Variants in NAALADL2 observed in about 807,000 individuals in gnomAD.
The protein encoded by NAALADL2 is N-acetylated alpha-linked acidic dipeptidase like 2.
Under a neutral mutation model 87.2 loss-of-function variants are expected in NAALADL2, and 76 were observed. That is an observed-to-expected ratio of 0.87 (90% CI 0.72 to 1.05). The LOEUF (loss-of-function observed/expected upper bound fraction) is 1.05, where lower values mean the gene tolerates loss of function less well. Among genes scored for constraint, NAALADL2 ranks in the 50% least tolerant of loss-of-function variants. The pLI, the probability that NAALADL2 is intolerant of heterozygous loss-of-function variation, is 0.00. For synonymous variants in NAALADL2, 354 were observed against 331.0 expected (o/e 1.07, Z -0.75); for missense variants, 1,089 against 945.8 (o/e 1.15, Z -1.99).
At chr3:175,461,174 T>C (rs972671574) in intron 6 of NAALADL2, among the ~76,000 whole-genome samples, 1 of 152,100 alleles carries the variant, frequency 6.6e-6, no homozygotes, top group Non-Finnish European at 1.5e-5. Context: ...GGTGCGTTTT[T>C]CCAGAGTGCT....
At chr3:175,054,700 T>C (rs948877766) in intron 1 of NAALADL2, among the ~76,000 whole-genome samples, 2 of 152,184 alleles carry the variant, frequency 1.3e-5, no homozygotes, top group Non-Finnish European at 2.9e-5. Context: ...AAAAATGATA[T>C]CTTAAACCTT....
chr3:175,023,356 T>C (rs1193348101), intron 1 of NAALADL2, among the ~76,000 whole-genome samples: 1 of 152,086 alleles, frequency 6.6e-6, no homozygotes, highest in Non-Finnish European at 1.5e-5. Flanking sequence ...TCTTATCACA[T>C]AAATAGCATT....
intron 2 of NAALADL2, among the ~76,000 whole-genome samples, chr3:174,664,432 G>A (rs1233406816): frequency 2.0e-5 from 3 of 152,068 alleles, no homozygotes; most frequent in South Asian, 4.1e-4. Context: ...ATCTTTTTAT[G>A]GGGTTTTTAG....
intron 2 of NAALADL2, among the ~76,000 whole-genome samples, chr3:174,727,300 A>G (rs978942546): frequency 1.1e-4 from 17 of 151,622 alleles, no homozygotes; most frequent in South Asian, 4.2e-4. Context: ...AATCATTTTT[A>G]TTAAGGATAT....
intron 10 of NAALADL2, among the ~76,000 whole-genome samples, chr3:175,612,683 A>G (rs1254207192): frequency 6.6e-6 from 1 of 151,032 alleles, no homozygotes; most frequent in Non-Finnish European, 1.5e-5. Context: ...TCTGACCTCA[A>G]AAAAAAATGC....
intron 1 of NAALADL2, among the ~76,000 whole-genome samples, chr3:174,946,043 CAAAAAAAAAAAAAA>C (rs57964168): frequency 4.0e-5 from 2 of 50,266 alleles, no homozygotes; most frequent in Non-Finnish European, 7.7e-5. Flanking sequence ...GACTCTGCCT[CAAAAAAAAAAAAAA>C]AAAAAAAAAA....
At chr3:175,274,152 G>A (rs890912200) in intron 4 of NAALADL2, among the ~76,000 whole-genome samples, 4 of 152,138 alleles carry the variant, frequency 2.6e-5, no homozygotes, top group Non-Finnish European at 5.9e-5. Context: ...AAGGCAGATG[G>A]CGAAGGGGAA....
intron 5 of NAALADL2, among the ~76,000 whole-genome samples, chr3:175,344,363 GTAGAC>G (rs1762914532): frequency 6.6e-6 from 1 of 151,678 alleles, no homozygotes; most frequent in Non-Finnish European, 1.5e-5. Context: ...TATGGTAGAA[GTAGAC>G]TACCACTACC....
intron 3 of NAALADL2, among the ~76,000 whole-genome samples, chr3:174,796,609 G>T (rs1718126031): frequency 7.1e-6 from 1 of 141,288 alleles, no homozygotes; most frequent in Non-Finnish European, 1.6e-5. Flanking sequence ...ATCACATTTT[G>T]AATCCGTTCA....
At position 175,500,268 on chromosome 3, in the gene NAALADL2, G is replaced by C. The variant is rs1408686980; in HGVS notation, c.1653+28510G>C. Reference sequence around the variant, plus strand: ...ATCCAGAATGAGGTATTTTGCAGGGGAGGAATTGCATTTACTTTTGGCTGG... The same window carrying C: ...ATCCAGAATGAGGTATTTTGCAGGGCAGGAATTGCATTTACTTTTGGCTGG... On this transcript the variant is annotated intron_variant, in intron 9 of 13. Coordinates refer to ENST00000454872, the MANE Select transcript of NAALADL2 (RefSeq NM_207015.3). Among the ~76,000 whole-genome samples, 7 of 152,054 alleles carry C rather than the reference G, an allele frequency of 4.6e-5. No homozygotes were observed. The South Asian group carries it at 8.3e-4, about 18-fold the overall frequency.
At chr3:175,067,007 A>G (rs926055769) in intron 1 of NAALADL2, among the ~76,000 whole-genome samples, 2 of 152,164 alleles carry the variant, frequency 1.3e-5, no homozygotes, top group Non-Finnish European at 2.9e-5. Flanking sequence ...TAAGCACTCA[A>G]TACTGAATCC....
intron 1 of NAALADL2, among the ~76,000 whole-genome samples, chr3:174,895,213 AACAAT>A (rs1173422689): frequency 1.3e-5 from 2 of 152,276 alleles, no homozygotes; most frequent in Middle Eastern, 3.4e-3. Context: ...AAATGAAATA[AACAAT>A]ACAAAAGATC....
At chr3:174,601,226 A>T (rs1718428907) in intron 2 of NAALADL2, among the ~76,000 whole-genome samples, 1 of 152,202 alleles carries the variant, frequency 6.6e-6, no homozygotes, top group Non-Finnish European at 1.5e-5. Flanking sequence ...ACTGTTCTCC[A>T]TAGCAGTTGT....
chr3:174,957,537 C>T (rs758661734), intron 1 of NAALADL2, among the ~76,000 whole-genome samples: 105 of 151,566 alleles, frequency 6.9e-4, no homozygotes, highest in Non-Finnish European at 1.4e-3. Context: ...GGGTATATCC[C>T]GGATAGCTTC....
chr3:175,250,311 A>G (rs1748833954), intron 3 of NAALADL2, among the ~76,000 whole-genome samples: 1 of 151,360 alleles, frequency 6.6e-6, no homozygotes, highest in Admixed American at 6.6e-5. Context: ...ATGTGGGGAC[A>G]TAGTGAGAAG....
At chr3:174,588,892 T>A (rs987800921) in intron 2 of NAALADL2, among the ~76,000 whole-genome samples, 2 of 152,150 alleles carry the variant, frequency 1.3e-5, no homozygotes, top group African/African-American at 2.4e-5. Context: ...GGACCACTAC[T>A]CTCTTCAAGA....
intron 5 of NAALADL2, among the ~76,000 whole-genome samples, chr3:175,343,655 G>GTTTTTTTTTTTTTGTTTTT (rs1762803378): frequency 3.1e-5 from 2 of 64,726 alleles, no homozygotes; most frequent in Non-Finnish European, 6.6e-5. Context: ...TCTTGATCAT[G>GTTTTTTTTTTTTTGTTTTT]TTTTTTTTTT....
chr3:175,670,997 AAAAAAT>A (rs1347164927), intron 11 of NAALADL2, among the ~76,000 whole-genome samples: 4 of 151,544 alleles, frequency 2.6e-5, no homozygotes, highest in Admixed American at 6.6e-5. Context: ...AAGTTGTAAA[AAAAAAT>A]AATAATAATA....
chr3:174,500,135 C>T (rs548785710), intron 1 of NAALADL2, among the ~76,000 whole-genome samples: 1 of 151,944 alleles, frequency 6.6e-6, no homozygotes, highest in African/African-American at 2.4e-5. Context: ...AGGTCTTCTA[C>T]ACCTTTTGTC....
Sources: gnomAD v4.1 joint callset for allele counts (sites outside exome capture counted in the v4.1 genomes callset) on GRCh38, gnomAD v4.1.1 for gene constraint, MANE v1.5 for transcripts, NCBI Gene and HGNC (gene_info 2026-07-23, HGNC 2026-07-21) for gene names.